PTPRN2: variants seen among roughly 807,000 people sequenced by gnomAD.
PTPRN2 encodes protein tyrosine phosphatase receptor type N2.
PTPRN2 carries 74 observed loss-of-function variants against 118.8 expected under a neutral mutation model. That is an observed-to-expected ratio of 0.62 (90% CI 0.52 to 0.76). The LOEUF is 0.76. Among genes scored for constraint, PTPRN2 ranks in the 30% least tolerant of loss-of-function variants. The pLI, the probability that PTPRN2 is intolerant of heterozygous loss-of-function variation, is 0.00. For synonymous variants in PTPRN2, 641 were observed against 608.0 expected (o/e 1.05, Z -0.80); for missense variants, 1,481 against 1,394.4 (o/e 1.06, Z -0.99).
chr7:158,247,924 G>T lies in PTPRN2; in HGVS notation c.278-42651C>A, dbSNP rs148582455. Among the ~76,000 whole-genome samples, 234 of 152,260 alleles carry T rather than the reference G, an allele frequency of 1.5e-3. 2 individuals are homozygous for T. The highest frequency in any genetic ancestry group is 5.5e-3 in the African/African-American group (229 of 41,552). On this transcript the variant is annotated intron_variant, in intron 3 of 22. Transcript: ENST00000389418. Reference sequence around the variant, plus strand: ...ATCCACCGCGCCCAGCCTACCATCTGTGTTCTTAACCATACCTCGCACAAG... The same window carrying T: ...ATCCACCGCGCCCAGCCTACCATCTTTGTTCTTAACCATACCTCGCACAAG...
intron 14 of PTPRN2, among the ~76,000 whole-genome samples, chr7:157,624,195 T>A (rs931569940): frequency 1.3e-5 from 2 of 151,974 alleles, no homozygotes; most frequent in Non-Finnish European, 2.9e-5. Context: ...CTGAGGCGGG[T>A]GGATCACCTG....
At chr7:157,896,501 T>G (rs1296973787) in intron 12 of PTPRN2, among the ~76,000 whole-genome samples, 1 of 151,466 alleles carries the variant, frequency 6.6e-6, no homozygotes, top group African/African-American at 2.4e-5. Context: ...TCCTCCAGGC[T>G]CAGGTGCGCG....
At chr7:158,238,015 C>A (rs1305070135) in intron 3 of PTPRN2, among the ~76,000 whole-genome samples, 1 of 152,152 alleles carries the variant, frequency 6.6e-6, no homozygotes, top group African/African-American at 2.4e-5. Context: ...CTCCCGACGT[C>A]CCTGGAGGCC....
At chr7:157,963,210 T>G (rs533331099) in intron 11 of PTPRN2, among the ~76,000 whole-genome samples, 1 of 152,370 alleles carries the variant, frequency 6.6e-6, no homozygotes, top group Admixed American at 6.5e-5. Context: ...TCAGAGACAG[T>G]CCCTCCCTTC....
At position 158,299,174 on chromosome 7, in the gene PTPRN2, C is replaced by T. The variant is rs375461726; in HGVS notation, c.277+17645G>A. On this transcript the variant is annotated intron_variant, in intron 3 of 22. Transcript: ENST00000389418. Reference sequence around the variant, plus strand: ...TGCTTTTTATCCCACCCAAGACTGGCATATTCCCGAGACAAATCTCAGTGG... The same window carrying T: ...TGCTTTTTATCCCACCCAAGACTGGTATATTCCCGAGACAAATCTCAGTGG... Among the ~76,000 whole-genome samples, 85 of 152,292 alleles carry T rather than the reference C, an allele frequency of 5.6e-4. No homozygotes were observed. The South Asian group carries it at 0.017, about 31-fold the overall frequency.
chr7:157,546,557 C>T (rs1798329482), intron 22 of PTPRN2, among the ~76,000 whole-genome samples: 1 of 152,214 alleles, frequency 6.6e-6, no homozygotes, highest in South Asian at 2.1e-4. Flanking sequence ...TGTTTGTTTG[C>T]TGAGGATGAT....
chr7:158,347,732 A>G (rs1457142495), intron 2 of PTPRN2, among the ~76,000 whole-genome samples: 1 of 152,212 alleles, frequency 6.6e-6, no homozygotes, highest in African/African-American at 2.4e-5. Flanking sequence ...CTTTCAATCA[A>G]TGAACATGGG....
chr7:158,343,686 G>A (rs574014622), intron 2 of PTPRN2, among the ~76,000 whole-genome samples: 113 of 149,806 alleles, frequency 7.5e-4, no homozygotes, highest in Middle Eastern at 3.4e-3. Context: ...AGCAGAGCTC[G>A]CGCAGAGGCT....
chr7:158,490,624 G>C (rs1466866219), intron 1 of PTPRN2, among the ~76,000 whole-genome samples: 1 of 152,264 alleles, frequency 6.6e-6, no homozygotes, highest in African/African-American at 2.4e-5. Context: ...CACCAGAACC[G>C]GGAGGGCCCC....
At chr7:158,461,009 T>C (rs2129442874) in intron 2 of PTPRN2, among the ~76,000 whole-genome samples, 1 of 152,300 alleles carries the variant, frequency 6.6e-6, no homozygotes, top group East Asian at 1.9e-4. Flanking sequence ...TTGCACAAAC[T>C]ACAACATCCT....
At chr7:158,246,257 CT>C (rs1180439947) in intron 3 of PTPRN2, among the ~76,000 whole-genome samples, 1 of 151,712 alleles carries the variant, frequency 6.6e-6, no homozygotes, top group Admixed American at 6.6e-5. Context: ...AAACTCATCA[CT>C]TGAAGGAAGA....
chr7:158,223,819 AG>A (rs1443319377), intron 3 of PTPRN2, among the ~76,000 whole-genome samples: 1 of 152,086 alleles, frequency 6.6e-6, no homozygotes, highest in Non-Finnish European at 1.5e-5. Flanking sequence ...CCAGTGCAAT[AG>A]GGCAAGATAA....
At chr7:157,696,130 G>A (rs1429869027) in intron 12 of PTPRN2, among the ~76,000 whole-genome samples, 8 of 116,216 alleles carry the variant, frequency 6.9e-5, no homozygotes, top group East Asian at 3.0e-4. Flanking sequence ...TGCATACTGG[G>A]TCTTGGCAGA....
chr7:158,282,013 A>G (rs557263156), intron 3 of PTPRN2, among the ~76,000 whole-genome samples: 8 of 152,256 alleles, frequency 5.3e-5, no homozygotes, highest in African/African-American at 1.7e-4. Flanking sequence ...TCTGCCTCTT[A>G]AGAGACCTGG....
intron 3 of PTPRN2, among the ~76,000 whole-genome samples, chr7:158,239,586 C>T (rs1157264785): frequency 6.6e-6 from 1 of 152,212 alleles, no homozygotes; most frequent in Non-Finnish European, 1.5e-5. Flanking sequence ...CGGCCCCTGC[C>T]ACTGCACTCG....
chr7:158,161,798 C>T (rs1018710891), intron 6 of PTPRN2, among the ~76,000 whole-genome samples: 3 of 89,094 alleles, frequency 3.4e-5, no homozygotes, highest in African/African-American at 9.2e-5. Flanking sequence ...AAATACAAGC[C>T]ACAGACTGGA....
At chr7:157,659,328 TG>T (rs1186832724) in intron 13 of PTPRN2, among the ~76,000 whole-genome samples, 41 of 53,922 alleles carry the variant, frequency 7.6e-4, no homozygotes, top group Non-Finnish European at 1.2e-3. Context: ...CCCCGGGGAC[TG>T]GGGGGGGACG....
At chr7:158,289,468 T>C (rs1393005299) in intron 3 of PTPRN2, among the ~76,000 whole-genome samples, 1 of 152,200 alleles carries the variant, frequency 6.6e-6, no homozygotes, top group Admixed American at 6.5e-5. Flanking sequence ...TTTCATTTCA[T>C]TTATTGTGTT....
intron 9 of PTPRN2, among the ~76,000 whole-genome samples, chr7:158,123,103 A>G (rs904146216): frequency 1.4e-4 from 21 of 152,274 alleles, no homozygotes; most frequent in African/African-American, 4.3e-4. Flanking sequence ...CAACTTTGAT[A>G]TAAACTCTTT....
Sources: gnomAD v4.1 joint callset for allele counts (sites outside exome capture counted in the v4.1 genomes callset) on GRCh38, gnomAD v4.1.1 for gene constraint, MANE v1.5 for transcripts, NCBI Gene and HGNC (gene_info 2026-07-23, HGNC 2026-07-21) for gene names.